Variants in ACACB observed in about 807,000 individuals in gnomAD.
ACACB encodes acetyl-CoA carboxylase beta, also known as acetyl-CoA carboxylase 2.
In ACACB, 209 loss-of-function variants were observed where a neutral mutation model predicts 278.8. The observed-to-expected ratio is 0.75, with a 90% confidence interval of 0.67 to 0.84. ACACB has a LOEUF of 0.84. Among genes scored for constraint, ACACB ranks in the 40% least tolerant of loss-of-function variants. ACACB has a pLI of 0.00. For missense variants in ACACB, 2,850 were observed against 3,269.0 expected (o/e 0.87, Z 3.13); for synonymous variants, 1,174 against 1,285.6 (o/e 0.91, Z 1.86).
chr12:109,174,135 C>G lies in ACACB; in HGVS notation c.1121C>G (p.Pro374Arg). 1 of 1,610,706 alleles carries G rather than the reference C, an allele frequency of 6.2e-7. No individual in the cohort carries two copies. The highest frequency in any genetic ancestry group is 8.5e-7 in the Non-Finnish European group (1 of 1,178,728). ...LCKNGVAFLGPPSEAMWALGD... is the reference protein window; with the variant it reads ...LCKNGVAFLGRPSEAMWALGD... ...CTTCTTGTCCCCGATTCCTCAGGCC[C>G]TCCCAGTGAGGCCATGTGGGCCTTA... The change falls in exon 7 of 53, where the codon CCT becomes CGT. Residue 374 changes from proline to arginine, a missense_variant. By Grantham distance (103) the Pro-to-Arg change is moderately radical. Coordinates refer to ENST00000338432, the MANE Select transcript of ACACB (RefSeq NM_001093.4).
chr12:109,218,416 G>T (rs1404591499), intron 24 of ACACB, among the ~76,000 whole-genome samples: 1 of 151,946 alleles, frequency 6.6e-6, no homozygotes, highest in African/African-American at 2.4e-5. Flanking sequence ...TAGAGATGAG[G>T]TCTCACTATG....
chr12:109,151,099 C>T (rs749947953), intron 2 of ACACB, among the ~76,000 whole-genome samples: 5 of 151,886 alleles, frequency 3.3e-5, no homozygotes, highest in Non-Finnish European at 5.9e-5. Flanking sequence ...ATTCTCCTGC[C>T]TCAGCCTCCC....
At chr12:109,189,469 G>A (rs1363641686) in intron 13 of ACACB, among the ~76,000 whole-genome samples, 5 of 152,240 alleles carry the variant, frequency 3.3e-5, no homozygotes, top group South Asian at 2.1e-4. Context: ...TGGACCAACC[G>A]CAACTTCAAC....
intron 24 of ACACB, among the ~76,000 whole-genome samples, chr12:109,217,443 G>A (rs2046036506): frequency 6.6e-6 from 1 of 152,054 alleles, no homozygotes; most frequent in Non-Finnish European, 1.5e-5. Flanking sequence ...GAGGTGGGAG[G>A]ATCACTTGAG....
At chr12:109,240,229 C>CA (rs1337770769) in intron 35 of ACACB, among the ~76,000 whole-genome samples, 1 of 152,176 alleles carries the variant, frequency 6.6e-6, no homozygotes, top group East Asian at 1.9e-4. Context: ...AAATGTCTTT[C>CA]AAAACAAAAT....
intron 22 of ACACB, among the ~76,000 whole-genome samples, chr12:109,213,460 T>C (rs1407621793): frequency 6.6e-6 from 1 of 152,226 alleles, no homozygotes; most frequent in African/African-American, 2.4e-5. Context: ...TTATGTATGA[T>C]AAAACACTGC....
At chr12:109,199,692 TCAGC>T (rs2045267481) in intron 18 of ACACB, 140 bp downstream of exon 18, 3 of 948,226 alleles carry the variant, frequency 3.2e-6, no homozygotes, top group Non-Finnish European at 4.2e-6. Context: ...TCTGTGGATT[TCAGC>T]CAAATCCCCT....
intron 34 of ACACB, among the ~76,000 whole-genome samples, chr12:109,238,011 C>CAAAAAAA (rs538671568): frequency 8.2e-5 from 5 of 61,334 alleles, no homozygotes; most frequent in Non-Finnish European, 6.9e-5. Context: ...GACCCTATCA[C>CAAAAAAA]AAAAAAAAAA....
At chr12:109,147,850 A>G (rs1294302190) in intron 2 of ACACB, among the ~76,000 whole-genome samples, 1 of 149,392 alleles carries the variant, frequency 6.7e-6, no homozygotes, top group Non-Finnish European at 1.5e-5. Context: ...GAATGGATTA[A>G]TTAATTAATT....
chr12:109,223,962 C>T (rs549063565), intron 27 of ACACB, 58 bp downstream of exon 27: 282 of 1,422,982 alleles, frequency 2.0e-4, no homozygotes, highest in South Asian at 2.5e-4. Context: ...TGTTCACTGC[C>T]GCTACCATGC....
chr12:109,219,278 G>T (rs1005967862), intron 24 of ACACB, among the ~76,000 whole-genome samples: 3 of 152,174 alleles, frequency 2.0e-5, no homozygotes, highest in Non-Finnish European at 4.4e-5. Context: ...TCAGAGAATA[G>T]TTAATACCCT....
chr12:109,112,179 C>T (rs1235820377), upstream of ACACB, among the ~76,000 whole-genome samples: 1 of 145,940 alleles, frequency 6.9e-6, no homozygotes, highest in African/African-American at 2.6e-5. Context: ...TATATACATA[C>T]ATTTCTATAT....
At chr12:109,250,261 AC>A (rs2047058432) in intron 41 of ACACB, among the ~76,000 whole-genome samples, 157 bp downstream of exon 41, 1 of 151,664 alleles carries the variant, frequency 6.6e-6, no homozygotes, top group Non-Finnish European at 1.5e-5. Flanking sequence ...CCTCAATCTC[AC>A]CCCCATCCCC....
At chr12:109,114,575 TG>T (rs1177625909), upstream of ACACB, among the ~76,000 whole-genome samples, 1 of 152,048 alleles carries the variant, frequency 6.6e-6, no homozygotes, top group Non-Finnish European at 1.5e-5. Context: ...CCAGGTACAG[TG>T]GCTCATACCT....
chr12:109,265,364 G>A, intron 51 of ACACB, 25 bp from the exon 52 acceptor site: 1 of 1,612,834 alleles, frequency 6.2e-7, no homozygotes, highest in Non-Finnish European at 8.5e-7. Flanking sequence ...GTCCCTCTCT[G>A]AGGCATCCTC....
In ACACB at chr12:109,241,190, C is replaced by T; in HGVS notation, c.4931C>T (p.Ala1644Val). ...INIRQTTTGS[A>V]VPIRLFITNE... Reference sequence around the variant, plus strand: ...ATCCGCCAGACCACCACCGGCAGTGCCGTTCCCATCCGCCTGTTCATCACC... The same window carrying T: ...ATCCGCCAGACCACCACCGGCAGTGTCGTTCCCATCCGCCTGTTCATCACC... The change falls in exon 36 of 53, where the codon GCC becomes GTC. Residue 1644 changes from alanine to valine, a missense_variant. This residue lies in a region of ACACB where 2,265 missense variants were observed against 2,561.3 expected (regional missense o/e 0.88). Transcript: ENST00000338432. 6.2e-7 allele frequency: 1 copy of T among 1,614,206 alleles called. No homozygotes were observed. Among genetic ancestry groups the T allele is most frequent in the South Asian group, 1.1e-5 (1 of 91,086 alleles).
intron 16 of ACACB, among the ~76,000 whole-genome samples, chr12:109,196,056 C>A (rs1166982092): frequency 1.3e-5 from 2 of 152,170 alleles, no homozygotes; most frequent in African/African-American, 4.8e-5. Context: ...CTATTTCTTG[C>A]TGCCTTGTGT....
intron 18 of ACACB, among the ~76,000 whole-genome samples, chr12:109,199,963 C>T (rs928557560): frequency 1.4e-4 from 20 of 146,588 alleles, no homozygotes; most frequent in Admixed American, 1.2e-3. Flanking sequence ...ACCCAGGAGG[C>T]GGAGCTTGCA....
chr12:109,213,374 T>C (rs1037284766), intron 22 of ACACB, among the ~76,000 whole-genome samples: 8 of 152,078 alleles, frequency 5.3e-5, no homozygotes, highest in Non-Finnish European at 1.2e-4. Flanking sequence ...TATAAATGTA[T>C]TAAGTTTTGT....
Sources: gnomAD v4.1 joint callset for allele counts (sites outside exome capture counted in the v4.1 genomes callset) on GRCh38, gnomAD v4.1.1 for gene constraint, gnomAD v4.1.1 regional missense constraint, MANE v1.5 for transcripts, NCBI Gene and HGNC (gene_info 2026-07-23, HGNC 2026-07-21) for gene names.